Variants in NBPF10 observed in about 807,000 individuals in gnomAD.
The protein encoded by NBPF10 is NBPF family member NBPF10.
Under a neutral mutation model 77.9 loss-of-function variants are expected in NBPF10, and 63 were observed. The ratio of observed to expected loss-of-function variants is 0.81; its 90% CI spans 0.66 to 1.00. NBPF10 has a LOEUF of 1.00. NBPF10 is among the 50% of genes least tolerant of loss of function. NBPF10 has a pLI of 0.00. For synonymous variants in NBPF10, 146 were observed against 264.5 expected, an observed-to-expected ratio of 0.55 and a Z score of 4.35; for missense variants, 522 against 679.8, an observed-to-expected ratio of 0.77 and a Z score of 2.58.
In NBPF10 at chr1:146,142,705, G is replaced by A. The variant is rs782424097; in HGVS notation, c.223C>T (p.Arg75Ter). Reference sequence around the variant, plus strand: ...GCAAGCTTCTCCTCCTTGAACTGTCGCTCATTCCTCAGCATAAATTTTATG... The same window carrying A: ...GCAAGCTTCTCCTCCTTGAACTGTCACTCATTCCTCAGCATAAATTTTATG... Residue 75 changes from arginine to a stop codon, truncating the protein, a stop_gained, in exon 2 of 90, where the codon CGA (arginine) becomes TGA (stop). Coordinates refer to ENST00000583866, the Ensembl canonical transcript of NBPF10. LOFTEE classifies it high-confidence loss of function. The A allele has an allele frequency of 3.8e-5, 52 of 1,361,392 alleles. 12 individuals are homozygous for A. Among genetic ancestry groups the A allele is most frequent in the East Asian group, 8.3e-5 (3 of 35,970 alleles). 84.3% of individuals were successfully genotyped at this position (1,361,392 alleles called of 1,614,324 possible).
In NBPF10 at chr1:146,067,789, T is replaced by G. The variant is rs1239307881; in HGVS notation, c.11035+214A>C. On this transcript the variant is annotated intron_variant, in intron 88 of 89. Coordinates refer to ENST00000583866, the Ensembl canonical transcript of NBPF10. ...GAATAGGATCAGGGCGCCACAGGTATGGCCTGAGACTAGGAAGAGAGTCTT... is the reference window on the plus strand; with the variant it reads ...GAATAGGATCAGGGCGCCACAGGTAGGGCCTGAGACTAGGAAGAGAGTCTT... Among the ~76,000 whole-genome samples, 1,026 of 151,878 alleles carry G rather than the reference T, an allele frequency of 6.8e-3. 11 individuals are homozygous for G. Among genetic ancestry groups the G allele is most frequent in the African/African-American group, 0.024 (987 of 41,422 alleles).
intron 2 of NBPF10, among the ~76,000 whole-genome samples, chr1:146,142,425 C>A (rs1193825450): frequency 7.4e-6 from 1 of 134,580 alleles, no homozygotes. Flanking sequence ...TTCACATCAA[C>A]AATTACTTGT....
In NBPF10 at chr1:146,136,263, C is replaced by T. The variant is rs1413478283; in HGVS notation, c.1091+90G>A. On this transcript the variant is annotated intron_variant, in intron 7 of 89. Coordinates refer to ENST00000583866, the Ensembl canonical transcript of NBPF10. Reference sequence around the variant, plus strand: ...GGCAATTCCTGCCCTTCCCCTGGCCCAGCTTAGCTCTTACGTCTCCCCACC... The same window carrying T: ...GGCAATTCCTGCCCTTCCCCTGGCCTAGCTTAGCTCTTACGTCTCCCCACC... 5.4e-5 allele frequency: 48 copies of T among 896,812 alleles called. 1 individual carries two copies. The highest frequency in any genetic ancestry group is 7.2e-5 in the Non-Finnish European group (40 of 555,828). 55.6% of individuals were successfully genotyped at this position (896,812 alleles called of 1,614,324 possible).
At chr1:146,125,782 A>AT (rs1290279820) in intron 14 of NBPF10, among the ~76,000 whole-genome samples, 1 of 145,310 alleles carries the variant, frequency 6.9e-6, no homozygotes, top group Admixed American at 6.8e-5. Flanking sequence ...GTTATGCCAT[A>AT]TTTTTCCAAT....
chr1:146,129,956 G>A (rs1253066831), intron 11 of NBPF10, among the ~76,000 whole-genome samples: 5 of 93,954 alleles, frequency 5.3e-5, no homozygotes, highest in African/African-American at 1.9e-4. Flanking sequence ...ACAACGTGCA[G>A]GTTAGTTACA....
Position 146,068,165 on chromosome 1 carries a change from C to A in NBPF10, c.10873G>T (p.Glu3625Ter). 4.5e-6 allele frequency: 2 copies of A among 448,210 alleles called. No individual in the cohort carries two copies. Among genetic ancestry groups the A allele is most frequent in the Non-Finnish European group, 7.6e-6 (2 of 261,870 alleles). 27.8% of individuals were successfully genotyped at this position (448,210 alleles called of 1,614,324 possible). Residue 3625 changes from glutamate (E) to a stop codon, truncating the protein, a stop_gained, in exon 88 of 90, where the codon GAG becomes TAG. Transcript: ENST00000583866. LOFTEE classifies it high-confidence loss of function. ...TCAGGCTCTTTCTCATCCAGCAGCT[C>A]CCTGCTGAGCCTGGAAAAGTAGGAA...
exon 14 of NBPF10, chr1:146,126,393 C>G (rs781901048): frequency 1.4e-5 from 18 of 1,301,112 alleles, no homozygotes; most frequent in African/African-American, 3.1e-5. Flanking sequence ...TCTCATCCAG[C>G]AGCTCCCTGC....
At chr1:146,125,883 G>C (rs587746045) in intron 14 of NBPF10, among the ~76,000 whole-genome samples, 1 of 151,200 alleles carries the variant, frequency 6.6e-6, no homozygotes, top group Admixed American at 6.6e-5. Flanking sequence ...GTTCATGGTA[G>C]CGAGGATTTT....
At chr1:146,066,592 C>A (rs782214333) in intron 89 of NBPF10, 31 bp from the exon 90 acceptor site, 1 of 598,704 alleles carries the variant, frequency 1.7e-6, no homozygotes, top group African/African-American at 2.2e-5. Flanking sequence ...AAAGAAGCAG[C>A]CAGGGAAAAT....
chr1:146,126,521 C>A, intron 13 of NBPF10, 113 bp from the exon 14 acceptor site: 2 of 709,434 alleles, frequency 2.8e-6, no homozygotes, highest in Non-Finnish European at 5.2e-6. Flanking sequence ...AAGGACAGAT[C>A]CATTAATGAG....
intron 5 of NBPF10, among the ~76,000 whole-genome samples, chr1:146,139,214 C>T (rs1439033191): frequency 6.7e-6 from 1 of 148,734 alleles, no homozygotes; most frequent in African/African-American, 2.4e-5. Flanking sequence ...ATTCTCCTGC[C>T]TCAGCCTCCT....
chr1:146,064,723 C>T (rs587710171), exon 90 of NBPF10: 4 of 89,770 alleles, frequency 4.5e-5, no homozygotes, highest in African/African-American at 8.7e-5. Flanking sequence ...TTTATTAATT[C>T]GCATCAGTAC....
exon 88 of NBPF10, chr1:146,068,082 C>A (rs1553778547): frequency 3.7e-6 from 2 of 535,568 alleles, no homozygotes; most frequent in Middle Eastern, 4.4e-4. Context: ...CTAAGTCAGG[C>A]AGTTCAAGAT....
chr1:146,069,390 G>A (rs1299232843), intron 86 of NBPF10, among the ~76,000 whole-genome samples, 153 bp downstream of exon 86: 1 of 92,068 alleles, frequency 1.1e-5, no homozygotes, highest in Non-Finnish European at 2.2e-5. Context: ...GGGCTTCCAA[G>A]TGGAACTAGA....
At chr1:146,066,905 C>A (rs1553777716) in intron 89 of NBPF10, among the ~76,000 whole-genome samples, 1 of 147,114 alleles carries the variant, frequency 6.8e-6, no homozygotes, top group African/African-American at 2.4e-5. Context: ...AAAGAGTGAG[C>A]TCAATAGTTT....
chr1:146,067,132 C>G (rs782310900), intron 89 of NBPF10, 48 bp downstream of exon 89: 3 of 630,040 alleles, frequency 4.8e-6, no homozygotes, highest in Admixed American at 2.2e-5. Context: ...AATCTGTTGC[C>G]TCCAGGTGTT....
chr1:146,066,359 G>C (rs782213009), exon 90 of NBPF10: 21 of 1,101,248 alleles, frequency 1.9e-5, no homozygotes, highest in Middle Eastern at 3.0e-4. Context: ...ACCAGGTGGA[G>C]ACTTGTCACC....
rs782733370 is a variant in NBPF10 at position 146,126,256 on chromosome 1, C to T, written c.2006G>A (p.Gly669Asp). 8.1e-6 allele frequency: 13 copies of T among 1,608,524 alleles called. No individual in the cohort carries two copies. In the South Asian group the frequency reaches 1.2e-4, roughly 15 times the overall value. The change falls in exon 14 of 90, where the codon GGC becomes GAC. Residue 669 changes from glycine (G) to aspartate (D), a missense_variant. Transcript: ENST00000583866. ...CTCACCATCCATGTCAATAGCCAAG[C>T]CAACACGCTGTTGCTCCAATATGTA... is the stretch of plus-strand genomic sequence containing the variant.
chr1:146,125,195 G>T (rs1381680337), intron 15 of NBPF10, among the ~76,000 whole-genome samples: 1 of 13,884 alleles, frequency 7.2e-5, no homozygotes, highest in East Asian at 1.3e-3. Flanking sequence ...AAAAGAGTGG[G>T]CTCAATAATT....
Sources: gnomAD v4.1 joint callset for allele counts (sites outside exome capture counted in the v4.1 genomes callset) on GRCh38, gnomAD v4.1.1 for gene constraint, MANE v1.5 for transcripts, NCBI Gene and HGNC (gene_info 2026-07-23, HGNC 2026-07-21) for gene names.